DEPTOR: variants seen among roughly 807,000 people sequenced by gnomAD.
DEPTOR encodes DEP domain-containing mTOR-interacting protein.
Under a neutral mutation model 41.6 loss-of-function variants are expected in DEPTOR, and 41 were observed. The observed-to-expected ratio is 0.98, with a 90% CI of 0.77 to 1.28. The LOEUF (loss-of-function observed/expected upper bound fraction) is 1.28, where lower values mean the gene tolerates loss of function less well. Ranked by LOEUF, DEPTOR falls within the 50% of genes most tolerant of loss-of-function variation. DEPTOR has a pLI of 0.00. For missense variants in DEPTOR, 514 were observed against 527.9 expected, an observed-to-expected ratio of 0.97 and a Z score of 0.26; for synonymous variants, 195 against 192.3, an observed-to-expected ratio of 1.01 and a Z score of -0.12.
rs34125548 is a variant in DEPTOR, at chr8:120,022,157, TAA to T, written c.1101+13044_1101+13045del. Among the ~76,000 whole-genome samples the T allele has an allele frequency of 1.4e-3, 128 of 93,706 alleles. 1 individual carries two copies. Among genetic ancestry groups the T allele is most frequent in the African/African-American group, 3.4e-3 (86 of 25,274 alleles). The allele number at this position is 93,706 out of a possible 152,430, so 61.5% of individuals were successfully genotyped here. Reference sequence around the variant, plus strand: ...TGGGTGACAGAGCGAGACCCCATCTTAAAAAAAAAAAAAAAAAAAAAGATGCA... The same window carrying T: ...TGGGTGACAGAGCGAGACCCCATCTTAAAAAAAAAAAAAAAAAAAGATGCA... On this transcript the variant is annotated intron_variant, in intron 8 of 8. Transcript: ENST00000286234.
At chr8:119,934,078 A>C (rs1468561607) in intron 3 of DEPTOR, among the ~76,000 whole-genome samples, 1 of 152,038 alleles carries the variant, frequency 6.6e-6, no homozygotes, top group Non-Finnish European at 1.5e-5. Context: ...ATGGGGTTTT[A>C]ACTTGTTGGC....
At chr8:120,038,117 A>G (rs539914397) in intron 8 of DEPTOR, among the ~76,000 whole-genome samples, 4 of 150,566 alleles carry the variant, frequency 2.7e-5, no homozygotes, top group Non-Finnish European at 4.4e-5. Context: ...AAACACAAAA[A>G]AATTAGCCAG....
At chr8:119,926,851 G>A (rs896635402) in intron 1 of DEPTOR, among the ~76,000 whole-genome samples, 4 of 152,094 alleles carry the variant, frequency 2.6e-5, no homozygotes, top group Non-Finnish European at 4.4e-5. Context: ...CAGTAAATAA[G>A]CATCATTAAC....
At chr8:119,985,438 A>T (rs1309138298) in intron 4 of DEPTOR, among the ~76,000 whole-genome samples, 1 of 151,690 alleles carries the variant, frequency 6.6e-6, no homozygotes, top group Non-Finnish European at 1.5e-5. Flanking sequence ...TTCTTTGTAG[A>T]CTCTAGATAT....
chr8:120,034,300 T>G (rs1303666296), intron 8 of DEPTOR, among the ~76,000 whole-genome samples: 2 of 103,748 alleles, frequency 1.9e-5, no homozygotes, highest in East Asian at 3.2e-4. Flanking sequence ...CACACACACA[T>G]TGTATTCGTA....
intron 1 of DEPTOR, among the ~76,000 whole-genome samples, chr8:119,917,226 A>G (rs1186424193): frequency 6.6e-6 from 1 of 152,232 alleles, no homozygotes. Flanking sequence ...ATGAGCAAAC[A>G]TGCCCTCTTA....
At chr8:119,983,735 T>C (rs545388863) in intron 4 of DEPTOR, among the ~76,000 whole-genome samples, 1 of 150,052 alleles carries the variant, frequency 6.7e-6, no homozygotes, top group Admixed American at 6.9e-5. Flanking sequence ...GTAAAGTTTA[T>C]TTTTTAAAAA....
At chr8:120,010,076 G>C (rs570550429) in intron 8 of DEPTOR, among the ~76,000 whole-genome samples, 22 of 152,242 alleles carry the variant, frequency 1.4e-4, no homozygotes, top group Non-Finnish European at 2.1e-4. Flanking sequence ...CTTTGGCAGA[G>C]ATCTGGAGAT....
At chr8:119,884,350 A>G (rs551484429) in intron 1 of DEPTOR, among the ~76,000 whole-genome samples, 1 of 152,248 alleles carries the variant, frequency 6.6e-6, no homozygotes, top group East Asian at 1.9e-4. Context: ...GAGCCACTGC[A>G]CCTGGCCGGT....
intron 1 of DEPTOR, among the ~76,000 whole-genome samples, chr8:119,902,480 C>CA (rs1056211838): frequency 2.0e-5 from 3 of 152,080 alleles, no homozygotes; most frequent in Admixed American, 1.3e-4. Flanking sequence ...GCTGGGACTA[C>CA]AGGCATGTGC....
At chr8:119,915,577 G>C (rs191706994) in intron 1 of DEPTOR, among the ~76,000 whole-genome samples, 110 of 152,290 alleles carry the variant, frequency 7.2e-4, no homozygotes, top group Middle Eastern at 3.4e-3. Context: ...GTAGCAGTCA[G>C]GAGGTCAAGG....
intron 8 of DEPTOR, among the ~76,000 whole-genome samples, chr8:120,021,534 C>G (rs1812714581): frequency 6.6e-6 from 1 of 152,140 alleles, no homozygotes; most frequent in African/African-American, 2.4e-5. Context: ...TCAGAGTCTT[C>G]TGGCTGATTG....
intron 1 of DEPTOR, among the ~76,000 whole-genome samples, chr8:119,903,728 C>T (rs1467595636): frequency 6.6e-6 from 1 of 152,144 alleles, no homozygotes; most frequent in African/African-American, 2.4e-5. Flanking sequence ...AGGTAACCTA[C>T]AGAGACTGAG....
intron 1 of DEPTOR, among the ~76,000 whole-genome samples, chr8:119,920,994 T>TGTTC (rs1225673173): frequency 2.0e-5 from 3 of 151,722 alleles, no homozygotes; most frequent in African/African-American, 7.3e-5. Flanking sequence ...TTTTTTTTTT[T>TGTTC]GAGACAGGGT....
At chr8:120,041,619 C>A (rs1463729205) in intron 8 of DEPTOR, among the ~76,000 whole-genome samples, 1 of 152,160 alleles carries the variant, frequency 6.6e-6, no homozygotes, top group East Asian at 1.9e-4. Context: ...CTCACTACAA[C>A]CTCTGCCTCT....
intron 8 of DEPTOR, among the ~76,000 whole-genome samples, chr8:120,018,416 A>G (rs1340191864): frequency 1.3e-5 from 2 of 152,034 alleles, no homozygotes; most frequent in Non-Finnish European, 2.9e-5. Context: ...CATCTCTACT[A>G]ACAAATACAA....
chr8:120,016,948 G>GAATAC (rs1812621841), intron 8 of DEPTOR, among the ~76,000 whole-genome samples: 4 of 152,036 alleles, frequency 2.6e-5, no homozygotes, highest in Non-Finnish European at 5.9e-5. Flanking sequence ...CAAACGTTCA[G>GAATAC]TCTGTAACAC....
intron 3 of DEPTOR, among the ~76,000 whole-genome samples, chr8:119,947,544 C>A (rs1184147870): frequency 6.6e-6 from 1 of 152,130 alleles, no homozygotes; most frequent in Non-Finnish European, 1.5e-5. Context: ...TGGTTTCTAG[C>A]CAGTGGGTGA....
chr8:119,954,738 G>GT, intron 3 of DEPTOR, among the ~76,000 whole-genome samples: 1 of 152,196 alleles, frequency 6.6e-6, no homozygotes, highest in African/African-American at 2.4e-5. Context: ...TTCCCTCTAG[G>GT]TTAATACGGG....
Sources: allele counts gnomAD v4.1 joint callset (sites outside exome capture counted in the v4.1 genomes callset), GRCh38; gene constraint gnomAD v4.1.1; transcripts MANE v1.5; gene names NCBI Gene and HGNC (gene_info 2026-07-23, HGNC 2026-07-21).